PRP4K: variants seen among roughly 807,000 people sequenced by gnomAD.
The protein encoded by PRP4K is pre-mRNA processing factor kinase PRP4K, also known as serine/threonine-protein kinase PRP4 homolog.
At chr6:4,053,827 A>C in the PRP4K span, among the ~76,000 whole-genome samples, 2 of 152,218 alleles carry the variant, frequency 1.3e-5, no homozygotes, top group African/African-American at 4.8e-5. Context: ...ACTAAAAGCT[A>C]AGCGTGTAAG....
At chr6:4,052,083 C>T in the PRP4K span, 1,004 of 1,587,978 alleles carry the variant, frequency 6.3e-4, 12 homozygotes, top group South Asian at 0.011. Flanking sequence ...GTCTGGTATT[C>T]GAGCCTCTCA....
chr6:4,050,188 G>A, the PRP4K span, among the ~76,000 whole-genome samples: 13 of 19,650 alleles, frequency 6.6e-4, 6 homozygotes, highest in African/African-American at 2.7e-3. Context: ...CACTACGCCC[G>A]GCTAATTTTT....
the PRP4K span, among the ~76,000 whole-genome samples, chr6:4,022,612 CCA>C: frequency 2.6e-5 from 4 of 152,104 alleles, no homozygotes; most frequent in African/African-American, 9.7e-5. Flanking sequence ...TGCTGTGCAT[CCA>C]GTTTTGGGCT....
At chr6:4,032,171 G>C in the PRP4K span, 9 of 1,613,778 alleles carry the variant, frequency 5.6e-6, no homozygotes, top group South Asian at 8.8e-5. Context: ...GCAAGTCAAA[G>C]GAGAGGAAAA....
chr6:4,031,622 G>C, the PRP4K span: 1 of 1,594,196 alleles, frequency 6.3e-7, no homozygotes. Flanking sequence ...CAGAAGACCA[G>C]TCTCAAAATA....
the PRP4K span, chr6:4,057,240 A>G: frequency 6.4e-7 from 1 of 1,563,272 alleles, no homozygotes; most frequent in Non-Finnish European, 8.7e-7. Context: ...TTAACTGACA[A>G]GACTGCTGAC....
the PRP4K span, chr6:4,057,217 T>C: frequency 6.3e-7 from 1 of 1,590,748 alleles, no homozygotes; most frequent in South Asian, 1.1e-5. Flanking sequence ...TTCTTTAAGG[T>C]CTTAGTTTCT....
chr6:4,026,599 G>A, the PRP4K span, among the ~76,000 whole-genome samples: 47 of 152,028 alleles, frequency 3.1e-4, no homozygotes, highest in African/African-American at 1.1e-3. Flanking sequence ...CACCGTGCCC[G>A]GCCTTATGTT....
chr6:4,052,198 G>T, the PRP4K span: 1 of 1,306,148 alleles, frequency 7.7e-7, no homozygotes, highest in Non-Finnish European at 1.0e-6. Flanking sequence ...TATTTGATTT[G>T]TTTTATCCAC....
chr6:4,058,115 G>A, the PRP4K span, among the ~76,000 whole-genome samples: 4 of 152,038 alleles, frequency 2.6e-5, no homozygotes. Context: ...GGCTCAAGCA[G>A]TTCTCCTGCC....
At chr6:4,027,592 C>CGGGGGGGGGGGG in the PRP4K span, among the ~76,000 whole-genome samples, 1 of 7,900 alleles carries the variant, frequency 1.3e-4, no homozygotes, top group African/African-American at 3.7e-4. Context: ...GCTTATTTGG[C>CGGGGGGGGGGGG]GGAGGGGTGG....
the PRP4K span, chr6:4,021,448 C>G: frequency 1.9e-6 from 3 of 1,585,242 alleles, no homozygotes; most frequent in East Asian, 2.3e-5. Context: ...GAGACCCAGT[C>G]GCTACGGGAG....
chr6:4,041,359 G>A, the PRP4K span, among the ~76,000 whole-genome samples: 1 of 152,108 alleles, frequency 6.6e-6, no homozygotes, highest in Non-Finnish European at 1.5e-5. Flanking sequence ...AACATTTCAA[G>A]TGTCTAATAC....
At chr6:4,044,885 C>T in the PRP4K span, among the ~76,000 whole-genome samples, 2 of 132,712 alleles carry the variant, frequency 1.5e-5, no homozygotes, top group Admixed American at 7.9e-5. Flanking sequence ...TTTTAAGAGA[C>T]AGAGTCTTGC....
chr6:4,037,392 T>G, the PRP4K span: 2 of 1,601,322 alleles, frequency 1.2e-6, no homozygotes, highest in Non-Finnish European at 8.5e-7. Flanking sequence ...TTTGATCCCC[T>G]TAAGAACACG....
the PRP4K span, chr6:4,052,659 A>G: frequency 4.4e-6 from 6 of 1,370,562 alleles, no homozygotes; most frequent in South Asian, 4.5e-5. Context: ...TTGCCTTTTT[A>G]TATTTCCATT....
At chr6:4,053,780 G>A in the PRP4K span, among the ~76,000 whole-genome samples, 1 of 152,066 alleles carries the variant, frequency 6.6e-6, no homozygotes, top group Non-Finnish European at 1.5e-5. Flanking sequence ...CTCTTTATCA[G>A]TTCTCCTACA....
the PRP4K span, among the ~76,000 whole-genome samples, chr6:4,024,100 C>G: frequency 6.6e-6 from 1 of 152,054 alleles, no homozygotes; most frequent in East Asian, 1.9e-4. Context: ...CTCCTGACCT[C>G]GTGATCCGCC....
the PRP4K span, among the ~76,000 whole-genome samples, chr6:4,036,990 A>T: frequency 4.3e-4 from 3 of 7,020 alleles, no homozygotes; most frequent in African/African-American, 2.7e-3. Flanking sequence ...TGTCTCAAAA[A>T]AAAAAAAAAA....
Sources: allele counts gnomAD v4.1 joint callset (sites outside exome capture counted in the v4.1 genomes callset), GRCh38; gene constraint gnomAD v4.1.1; transcripts MANE v1.5; gene names NCBI Gene and HGNC (gene_info 2026-07-23, HGNC 2026-07-21).